EZR: variants seen among roughly 807,000 people sequenced by gnomAD.
EZR encodes the protein ezrin, also known as cytovillin 2.
Under a neutral mutation model 74.8 loss-of-function variants are expected in EZR, and 40 were observed. The observed-to-expected ratio is 0.53, with a 90% confidence interval of 0.42 to 0.70. The LOEUF is 0.70. Among genes scored for constraint, EZR ranks in the 30% least tolerant of loss-of-function variants. EZR has a pLI of 0.00. For missense variants in EZR, 678 were observed against 755.8 expected (o/e 0.90, Z 1.21); for synonymous variants, 341 against 283.3 (o/e 1.20, Z -2.05).
Position 158,766,172 on chromosome 6 carries a change from TATACAGAACA to T in EZR, c.*732_*741del, listed in dbSNP as rs1790793025. On this transcript the variant is annotated 3_prime_UTR_variant, in exon 14 of 14. Coordinates refer to ENST00000367075, the MANE Select transcript of EZR (RefSeq NM_001111077.2). ...TTTTATTCTGTAAAAGGTAACAAAA[TATACAGAACA>T]AAACTTTCCCTTTTTAAAACTAATG... is the stretch of plus-strand genomic sequence containing the variant. 6.6e-6 allele frequency: 1 copy of T among 152,520 alleles called. No homozygotes were observed. The highest frequency in any genetic ancestry group is 2.4e-5 in the African/African-American group (1 of 41,402). The allele number at this position is 152,520 out of a possible 1,614,324, so 9.4% of individuals were successfully genotyped here.
At chr6:158,803,625 A>G (rs1777261903) in intron 2 of EZR, among the ~76,000 whole-genome samples, 1 of 18,972 alleles carries the variant, frequency 5.3e-5, no homozygotes. Flanking sequence ...ATATATATAT[A>G]CATATACATA....
chr6:158,816,862 G>C (rs897091119), intron 2 of EZR, among the ~76,000 whole-genome samples: 10 of 152,176 alleles, frequency 6.6e-5, no homozygotes, highest in Non-Finnish European at 8.8e-5. Flanking sequence ...GAGGTAGGCA[G>C]ATCACCTGAG....
intron 5 of EZR, 79 bp from the exon 6 acceptor site, chr6:158,784,806 T>G: frequency 8.7e-7 from 1 of 1,144,080 alleles, no homozygotes; most frequent in Non-Finnish European, 1.3e-6. Flanking sequence ...ACCACCCACA[T>G]TCAAACCCTT....
intron 2 of EZR, among the ~76,000 whole-genome samples, chr6:158,798,467 G>T (rs961709896): frequency 1.3e-5 from 2 of 152,104 alleles, no homozygotes; most frequent in African/African-American, 4.8e-5. Context: ...CAGTAGCGGC[G>T]CTCCAATCAT....
chr6:158,802,534 TTTTG>T (rs1483788703), intron 2 of EZR, among the ~76,000 whole-genome samples: 3 of 152,160 alleles, frequency 2.0e-5, no homozygotes, highest in Non-Finnish European at 4.4e-5. Context: ...GGTGGTAGTG[TTTTG>T]TTTGTTTTTT....
At chr6:158,783,426 A>C in intron 7 of EZR, 94 bp downstream of exon 7, 1 of 1,243,260 alleles carries the variant, frequency 8.0e-7, no homozygotes. Context: ...TTGCTAAATA[A>C]ATACTTCAAA....
rs10706390 is a variant in EZR, at chr6:158,806,480, C to CT, written c.12+11601dup. Among the ~76,000 whole-genome samples, 490 of 141,194 alleles carry CT rather than the reference C, an allele frequency of 3.5e-3. 3 individuals are homozygous for CT. Among genetic ancestry groups the CT allele is most frequent in the East Asian group, 0.01 (51 of 4,910 alleles). 92.6% of individuals were successfully genotyped at this position (141,194 alleles called of 152,430 possible). On this transcript the variant is annotated intron_variant, in intron 2 of 13. Coordinates refer to ENST00000367075, the MANE Select transcript of EZR (RefSeq NM_001111077.2). ...TCTTTCTTCTACTCTACCACTTTCACTTTTTTTTTTTTTTGCTGGCATATT... is the reference window on the plus strand; with the variant it reads ...TCTTTCTTCTACTCTACCACTTTCACTTTTTTTTTTTTTTTGCTGGCATATT...
intron 12 of EZR, 74 bp from the exon 13 acceptor site, chr6:158,767,586 A>G (rs2128563525): frequency 6.8e-7 from 1 of 1,459,886 alleles, no homozygotes; most frequent in East Asian, 2.3e-5. Context: ...ACAGACTGTC[A>G]CCTCCCTCTG....
chr6:158,818,142 G>A lies in EZR; in HGVS notation c.-49C>T, dbSNP rs142980805. On this transcript the variant is annotated 5_prime_UTR_variant, in exon 2 of 14. Coordinates refer to ENST00000367075, the MANE Select transcript of EZR (RefSeq NM_001111077.2). ...CGATCCCCGAAAACACGACTATCCA[G>A]CAGCAGCGAAGACGCTGTCCCAACC... 2 of 1,603,114 alleles carry A rather than the reference G, an allele frequency of 1.2e-6. No homozygotes were observed. The highest frequency in any genetic ancestry group is 8.5e-7 in the Non-Finnish European group (1 of 1,172,806).
intron 8 of EZR, among the ~76,000 whole-genome samples, chr6:158,774,613 C>CT (rs764779104): frequency 2.0e-5 from 3 of 150,122 alleles, no homozygotes; most frequent in Admixed American, 6.7e-5. Flanking sequence ...ACAATGGCTT[C>CT]TGCTTGGGGC....
intron 10 of EZR, 38 bp from the exon 11 acceptor site, chr6:158,769,982 G>T: frequency 6.2e-7 from 1 of 1,600,938 alleles, no homozygotes. Context: ...CAAACCCTCA[G>T]CCCAGGGACC....
At chr6:158,804,051 C>T (rs995129558) in intron 2 of EZR, among the ~76,000 whole-genome samples, 6 of 152,128 alleles carry the variant, frequency 3.9e-5, no homozygotes, top group African/African-American at 1.4e-4. Flanking sequence ...GCTAGTCATG[C>T]CCGAGTTCCA....
At chr6:158,817,437 G>A (rs748043969) in intron 2 of EZR, among the ~76,000 whole-genome samples, 1 of 152,182 alleles carries the variant, frequency 6.6e-6, no homozygotes, top group South Asian at 2.1e-4. Context: ...TGCTCGGCCC[G>A]GCCTGCCAGG....
chr6:158,819,032 C>A (rs1238796700), intron 1 of EZR, among the ~76,000 whole-genome samples: 4 of 152,134 alleles, frequency 2.6e-5, no homozygotes, highest in African/African-American at 7.2e-5. Context: ...GAAACTCTTT[C>A]AAAAACTGCA....
intron 5 of EZR, 79 bp downstream of exon 5, chr6:158,785,230 T>G (rs1355724082): frequency 6.4e-7 from 1 of 1,555,282 alleles, no homozygotes; most frequent in Non-Finnish European, 8.7e-7. Flanking sequence ...GTTTTTAAAC[T>G]GTGCTTCTAA....
Position 158,769,937 on chromosome 6 carries a change from C to G in EZR, c.1098G>C (p.Ser366=), listed in dbSNP as rs148026200. ...EKTKKAEREL[S]EQIQRALQLE... ...GCTGCAGGGCCCTCTGAATCTGCTCCGAGAGCTCTGCAAAGACACAAAGCC... is the reference window on the plus strand; with the variant it reads ...GCTGCAGGGCCCTCTGAATCTGCTCGGAGAGCTCTGCAAAGACACAAAGCC... Residue 366 remains serine (S), a synonymous_variant, in exon 11 of 14, where the codon TCG becomes TCC. Transcript: ENST00000367075. 1 of 1,610,368 alleles carries G rather than the reference C, an allele frequency of 6.2e-7. No homozygotes were observed. Among genetic ancestry groups the G allele is most frequent in the Non-Finnish European group, 8.5e-7 (1 of 1,179,982 alleles).
At chr6:158,808,665 G>T (rs547666775) in intron 2 of EZR, among the ~76,000 whole-genome samples, 11 of 152,264 alleles carry the variant, frequency 7.2e-5, no homozygotes, top group South Asian at 4.2e-4. Flanking sequence ...CGGGCACGCA[G>T]GATCTTGTTT....
intron 2 of EZR, among the ~76,000 whole-genome samples, chr6:158,794,221 C>T (rs1172694226): frequency 6.6e-6 from 1 of 152,152 alleles, no homozygotes; most frequent in Non-Finnish European, 1.5e-5. Context: ...GCGGAGCTTG[C>T]AGTGAGCAAG....
intron 3 of EZR, among the ~76,000 whole-genome samples, chr6:158,789,053 T>A (rs113058399): frequency 2.5e-3 from 384 of 152,358 alleles, no homozygotes; most frequent in African/African-American, 8.7e-3. Context: ...CGCCTGACTT[T>A]ATACAACAGA....
Sources: allele counts gnomAD v4.1 joint callset (sites outside exome capture counted in the v4.1 genomes callset), GRCh38; gene constraint gnomAD v4.1.1; transcripts MANE v1.5; gene names NCBI Gene and HGNC (gene_info 2026-07-23, HGNC 2026-07-21).